LCORL: variants seen among roughly 807,000 people sequenced by gnomAD.
LCORL encodes the protein ligand dependent nuclear receptor corepressor like.
A neutral mutation model predicts 141.8 loss-of-function variants in LCORL; 41 were observed. The observed-to-expected ratio is 0.29, with a 90% CI of 0.23 to 0.38. LCORL has a LOEUF of 0.38. LCORL is among the 10% of genes least tolerant of loss of function. The pLI, the probability that LCORL is intolerant of heterozygous loss-of-function variation, is 1.00. For synonymous variants in LCORL, 618 were observed against 694.1 expected (o/e 0.89, Z 1.72); for missense variants, 1,759 against 2,035.0 (o/e 0.86, Z 2.61).
At chr4:17,911,651 T>G in intron 4 of LCORL, 1 of 472,806 alleles carries the variant, frequency 2.1e-6, no homozygotes, top group Non-Finnish European at 4.2e-6. Context: ...AGTCCTGTCC[T>G]CTCACTCTCC....
chr4:17,975,684 C>A (rs1383428723), intron 1 of LCORL, among the ~76,000 whole-genome samples: 1 of 152,194 alleles, frequency 6.6e-6, no homozygotes, highest in Non-Finnish European at 1.5e-5. Context: ...ACGTGAGCCA[C>A]TGGGCCCAGC....
At chr4:17,976,993 C>T (rs1717108539) in intron 1 of LCORL, among the ~76,000 whole-genome samples, 1 of 152,140 alleles carries the variant, frequency 6.6e-6, no homozygotes, top group African/African-American at 2.4e-5. Context: ...ATTGAGCTCA[C>T]TAAATCTGCA....
At chr4:17,877,951 C>T (rs956080080) in exon 7 of LCORL, 2 of 1,230,494 alleles carry the variant, frequency 1.6e-6, no homozygotes, top group African/African-American at 3.1e-5. Flanking sequence ...TGTAAACAAC[C>T]TCTTTCTGCC....
chr4:17,874,039 G>A lies in LCORL; in HGVS notation c.4951C>T (p.Gln1651Ter). The A allele has an allele frequency of 8.1e-7, 1 of 1,233,964 alleles. No individual in the cohort carries two copies. The highest frequency in any genetic ancestry group is 1.0e-6 in the Non-Finnish European group (1 of 987,910). The allele number at this position is 1,233,964 out of a possible 1,614,324, so 76.4% of individuals were successfully genotyped here. A position where few individuals can be genotyped will look rare whatever the true frequency, so the allele number is the denominator to read the frequency against. ...TGATTATCTACTATGCTTTTTCCTT[G>A]GAGTGGGATGTCAGCATTTGTTTCT... The change falls in exon 7 of 8, where the codon CAA (glutamine) becomes TAA (stop). Residue 1651 changes from glutamine to a stop codon, truncating the protein, a stop_gained. Coordinates refer to ENST00000635767, the Ensembl canonical transcript of LCORL. LOFTEE classifies it high-confidence loss of function.
intron 4 of LCORL, among the ~76,000 whole-genome samples, chr4:17,954,785 C>T (rs948178913): frequency 6.6e-6 from 1 of 152,140 alleles, no homozygotes; most frequent in African/African-American, 2.4e-5. Flanking sequence ...AAGAAGGCTC[C>T]TGGCCTTTCA....
intron 1 of LCORL, among the ~76,000 whole-genome samples, chr4:18,002,337 A>G (rs1358951261): frequency 6.6e-6 from 1 of 152,140 alleles, no homozygotes; most frequent in East Asian, 1.9e-4. Flanking sequence ...ACTGGGTTTT[A>G]GAGTTACTCA....
chr4:17,879,592 T>C (rs1727302429), intron 6 of LCORL, among the ~76,000 whole-genome samples: 1 of 151,108 alleles, frequency 6.6e-6, no homozygotes, highest in African/African-American at 2.4e-5. Context: ...GTTGGGAGTG[T>C]AAAATGATGC....
At chr4:17,854,459 T>C (rs1472922734) in intron 7 of LCORL, among the ~76,000 whole-genome samples, 2 of 152,224 alleles carry the variant, frequency 1.3e-5, no homozygotes, top group African/African-American at 2.4e-5. Flanking sequence ...TGTTTCTGCA[T>C]TGAACCATAT....
chr4:17,876,640 C>G, exon 7 of LCORL: 1 of 1,230,670 alleles, frequency 8.1e-7, no homozygotes, highest in Non-Finnish European at 1.0e-6. Context: ...GTTACATATA[C>G]AGAATACCAC....
At chr4:17,905,939 T>A (rs574218345) in intron 5 of LCORL, among the ~76,000 whole-genome samples, 2 of 152,240 alleles carry the variant, frequency 1.3e-5, no homozygotes, top group Admixed American at 1.3e-4. Flanking sequence ...CAAAAAAAGG[T>A]TAAATTCTTA....
intron 5 of LCORL, among the ~76,000 whole-genome samples, chr4:17,888,095 G>A (rs1333679447): frequency 6.6e-6 from 1 of 152,066 alleles, no homozygotes; most frequent in East Asian, 1.9e-4. Context: ...CAGACTATAA[G>A]CTATGTGAAG....
At position 17,856,585 on chromosome 4, in the gene LCORL, T is replaced by C. The variant is rs146172650; in HGVS notation, c.5603-10684A>G. 5.3e-5 allele frequency among the ~76,000 whole-genome samples: 8 copies of C among 152,288 alleles called. No homozygotes were observed. In the East Asian group the frequency reaches 1.5e-3, roughly 29 times the overall value. ...GCCCAAGGAGACTAAAGCACCCTCT[T>C]TCATGAAACTAATTTCTTTTGGCTT... On this transcript the variant is annotated intron_variant, in intron 7 of 7. Transcript: ENST00000635767.
At chr4:17,859,751 TC>T (rs531688178) in intron 7 of LCORL, among the ~76,000 whole-genome samples, 328 of 152,296 alleles carry the variant, frequency 2.2e-3, no homozygotes, top group Non-Finnish European at 3.6e-3. Flanking sequence ...TGTAACAACT[TC>T]AGTAAAGTTT....
intron 1 of LCORL, among the ~76,000 whole-genome samples, chr4:18,004,556 C>T (rs1722482691): frequency 6.6e-6 from 1 of 152,146 alleles, no homozygotes. Flanking sequence ...AGGTTCCTAT[C>T]GTGATACGTG....
chr4:17,977,951 G>C (rs1328477057), intron 1 of LCORL, among the ~76,000 whole-genome samples: 2 of 151,618 alleles, frequency 1.3e-5, no homozygotes, highest in African/African-American at 4.8e-5. Context: ...TCTTTTTTTT[G>C]TTTCTGTATT....
chr4:17,846,165 A>G (rs1282925194), intron 7 of LCORL, among the ~76,000 whole-genome samples: 1 of 152,172 alleles, frequency 6.6e-6, no homozygotes, highest in Non-Finnish European at 1.5e-5. Flanking sequence ...ATCAGTATAC[A>G]TCAGAAATTA....
chr4:17,898,118 T>C (rs1730273701), intron 5 of LCORL, among the ~76,000 whole-genome samples: 1 of 152,190 alleles, frequency 6.6e-6, no homozygotes, highest in African/African-American at 2.4e-5. Context: ...ATTTGGTTTG[T>C]TCTACAGACT....
intron 4 of LCORL, among the ~76,000 whole-genome samples, chr4:17,951,967 A>G (rs16896128): frequency 0.24 from 37,046 of 152,166 alleles, 5,870 homozygotes; most frequent in African/African-American, 0.45. Context: ...TACAGTTGGT[A>G]AATTCATGAG....
chr4:17,949,932 T>C (rs1324708919), intron 4 of LCORL, among the ~76,000 whole-genome samples: 2 of 152,144 alleles, frequency 1.3e-5, no homozygotes, highest in African/African-American at 2.4e-5. Flanking sequence ...TGTGAAAAAC[T>C]ACAGTATTGA....
Sources: gnomAD v4.1 joint callset for allele counts (sites outside exome capture counted in the v4.1 genomes callset) on GRCh38, gnomAD v4.1.1 for gene constraint, MANE v1.5 for transcripts, NCBI Gene and HGNC (gene_info 2026-07-23, HGNC 2026-07-21) for gene names.